Variants in HPCAL1 observed in about 807,000 individuals in gnomAD.
HPCAL1 encodes hippocalcin like 1.
A neutral mutation model predicts 17.1 loss-of-function variants in HPCAL1; 8 were observed. The ratio of observed to expected loss-of-function variants is 0.47; its 90% CI spans 0.27 to 0.84. HPCAL1 has a LOEUF of 0.84. HPCAL1 is among the 40% of genes least tolerant of loss of function. The pLI is 0.13. For missense variants in HPCAL1, 165 were observed against 271.1 expected (o/e 0.61, Z 2.75); for synonymous variants, 112 against 111.4 (o/e 1.01, Z -0.03).
At position 10,359,672 on chromosome 2, in the gene HPCAL1, C is replaced by T. The variant is rs1666402211; in HGVS notation, c.-110-37163C>T. Among the ~76,000 whole-genome samples the T allele has an allele frequency of 6.6e-6, 1 of 152,218 alleles. No individual in the cohort carries two copies. Among genetic ancestry groups the T allele is most frequent in the Non-Finnish European group, 1.5e-5 (1 of 68,030 alleles). Reference sequence around the variant, plus strand: ...CAGGCCCACTCAGTGGCTGGCGGTCCCACCTCCAAATGCAGGCAGACCACA... The same window carrying T: ...CAGGCCCACTCAGTGGCTGGCGGTCTCACCTCCAAATGCAGGCAGACCACA... On this transcript the variant is annotated intron_variant, in intron 1 of 4. Coordinates refer to ENST00000307845, the MANE Select transcript of HPCAL1 (RefSeq NM_002149.4). This position sits in a 1 kb window ranked among gnomAD's most constrained non-coding sequence, Gnocchi z 4.1.
intron 1 of HPCAL1, among the ~76,000 whole-genome samples, chr2:10,385,071 C>A (rs1445250833): frequency 6.6e-6 from 1 of 150,414 alleles, no homozygotes; most frequent in Non-Finnish European, 1.5e-5. Flanking sequence ...AGTGAGCCAG[C>A]CTGGCGATAG....
intron 1 of HPCAL1, among the ~76,000 whole-genome samples, chr2:10,388,155 G>T (rs1327665464): frequency 1.3e-5 from 2 of 152,204 alleles, no homozygotes; most frequent in Admixed American, 1.3e-4. Flanking sequence ...GTGTCTCAGG[G>T]TAGGAGGCTC....
intron 2 of HPCAL1, among the ~76,000 whole-genome samples, chr2:10,399,860 T>C (rs1419936465): frequency 6.6e-6 from 1 of 152,056 alleles, no homozygotes; most frequent in African/African-American, 2.4e-5. Flanking sequence ...TCCCTTGAGG[T>C]GGGTTCATGG....
chr2:10,372,399 A>G (rs993820658), intron 1 of HPCAL1, among the ~76,000 whole-genome samples: 1 of 150,830 alleles, frequency 6.6e-6, no homozygotes, highest in Non-Finnish European at 1.5e-5. Flanking sequence ...TGTCCAACAC[A>G]GTGGACACAT....
chr2:10,332,288 A>G (rs1004455441), intron 1 of HPCAL1, among the ~76,000 whole-genome samples: 1 of 147,662 alleles, frequency 6.8e-6, no homozygotes, highest in East Asian at 2.0e-4. Flanking sequence ...AGCATTTACC[A>G]TTTCCTTCCA....
chr2:10,419,670 G>T lies in HPCAL1; in HGVS notation c.-24-64G>T. The T allele has an allele frequency of 6.7e-7, 1 of 1,493,186 alleles. No individual in the cohort carries two copies. 92.5% of individuals were successfully genotyped at this position (1,493,186 alleles called of 1,614,324 possible). On this transcript the variant is annotated intron_variant, in intron 2 of 4. Transcript: ENST00000307845. This position sits in a 1 kb window ranked among gnomAD's most constrained non-coding sequence, Gnocchi z 5.0. ...GCGATGGGCTTATTTGGTCTCTCCG[G>T]CACATGGCTCAGCCCTGCTCCGTGG...
chr2:10,385,375 C>A (rs1294612946), intron 1 of HPCAL1, among the ~76,000 whole-genome samples: 1 of 152,152 alleles, frequency 6.6e-6, no homozygotes, highest in Admixed American at 6.5e-5. Context: ...GGGCTGAACC[C>A]CTGGAGGTTG....
Position 10,343,414 on chromosome 2 carries a change from A to G in HPCAL1, c.-111+40237A>G, listed in dbSNP as rs895953918. ...TGATAGCACCATATCTCCCTCCAGG[A>G]CTCCCGGGTGGGAGGTGGGTGTTTG... On this transcript the variant is annotated intron_variant, in intron 1 of 4. Coordinates refer to ENST00000307845, the MANE Select transcript of HPCAL1 (RefSeq NM_002149.4). This position sits in a 1 kb window ranked among gnomAD's most constrained non-coding sequence, Gnocchi z 4.8. 1.3e-5 allele frequency among the ~76,000 whole-genome samples: 2 copies of G among 152,024 alleles called. No individual in the cohort carries two copies. Among genetic ancestry groups the G allele is most frequent in the African/African-American group, 4.8e-5 (2 of 41,360 alleles).
intron 2 of HPCAL1, among the ~76,000 whole-genome samples, chr2:10,410,474 A>T: frequency 8.8e-6 from 1 of 113,784 alleles, no homozygotes. Context: ...AATTCAGCAG[A>T]TTAAGAACAA....
chr2:10,389,235 C>T (rs1004539431), intron 1 of HPCAL1, among the ~76,000 whole-genome samples: 2 of 152,216 alleles, frequency 1.3e-5, no homozygotes, highest in Middle Eastern at 3.2e-3. Flanking sequence ...ATAATCCACC[C>T]CCTAATTTGC....
At chr2:10,306,120 C>T (rs1261654758) in intron 1 of HPCAL1, among the ~76,000 whole-genome samples, 4 of 152,266 alleles carry the variant, frequency 2.6e-5, no homozygotes, top group East Asian at 1.9e-4. Context: ...ACGGGGGCCC[C>T]GGAGTTTATT....
In HPCAL1 at chr2:10,367,117, T is replaced by C. The variant is rs1666896776; in HGVS notation, c.-110-29718T>C. 6.6e-6 allele frequency among the ~76,000 whole-genome samples: 1 copy of C among 152,050 alleles called. No individual in the cohort carries two copies. The highest frequency in any genetic ancestry group is 2.1e-4 in the South Asian group (1 of 4,822). ...CGGGAGGAGCATCTGGTGGAGGACC[T>C]GGGTGTTCTGTCTGGAGATTTCCCA... On this transcript the variant is annotated intron_variant, in intron 1 of 4. Transcript: ENST00000307845. The surrounding 1 kb of genome is among the most constrained non-coding windows in gnomAD (Gnocchi z 4.4).
At chr2:10,412,410 G>C (rs1024860105) in intron 2 of HPCAL1, among the ~76,000 whole-genome samples, 3 of 152,200 alleles carry the variant, frequency 2.0e-5, no homozygotes, top group African/African-American at 7.2e-5. Context: ...AAATGCTTTA[G>C]GGTCTATGCC....
At chr2:10,382,498 G>A (rs529629966) in intron 1 of HPCAL1, among the ~76,000 whole-genome samples, 9 of 151,584 alleles carry the variant, frequency 5.9e-5, no homozygotes, top group Admixed American at 3.3e-4. Context: ...CAGCCACCCT[G>A]GTAGTAGGGA....
intron 1 of HPCAL1, among the ~76,000 whole-genome samples, chr2:10,386,552 T>G (rs1668322718): frequency 6.6e-6 from 1 of 151,274 alleles, no homozygotes; most frequent in Non-Finnish European, 1.5e-5. Flanking sequence ...GGGGGTGAGG[T>G]TGTGTGAGAT....
In HPCAL1 at chr2:10,331,725, G is replaced by C. The variant is rs1447037214; in HGVS notation, c.-111+28548G>C. On this transcript the variant is annotated intron_variant, in intron 1 of 4. Coordinates refer to ENST00000307845, the MANE Select transcript of HPCAL1 (RefSeq NM_002149.4). The surrounding 1 kb of genome is among the most constrained non-coding windows in gnomAD (Gnocchi z 5.0). ...ATGCATCTTTCTCCCCGTCTGGCAT[G>C]GTGTTTCTAGTCTTTTGTGGATGGG... Among the ~76,000 whole-genome samples the C allele has an allele frequency of 6.6e-6, 1 of 152,140 alleles. No homozygotes were observed. The highest frequency in any genetic ancestry group is 1.9e-4 in the East Asian group (1 of 5,162).
Position 10,419,930 on chromosome 2 carries a change from A to C in HPCAL1, c.173A>C (p.Tyr58Ser), listed in dbSNP as rs1670929190. 3 of 1,613,770 alleles carry C rather than the reference A, an allele frequency of 1.9e-6. No individual in the cohort carries two copies. The highest frequency in any genetic ancestry group is 2.5e-6 in the Non-Finnish European group (3 of 1,179,978). ...FKKIYANFFP[Y>S]GDASKFAEHV... ...AAGATCTACGCCAACTTCTTCCCCT[A>C]CGGCGACGCTTCCAAGTTCGCCGAG... Residue 58 changes from tyrosine to serine, a missense_variant, in exon 3 of 5, where the codon TAC becomes TCC. By Grantham distance (144) the Tyr-to-Ser change is moderately radical. Coordinates refer to ENST00000307845, the MANE Select transcript of HPCAL1 (RefSeq NM_002149.4). This position sits in a 1 kb window ranked among gnomAD's most constrained non-coding sequence, Gnocchi z 5.0.
intron 1 of HPCAL1, among the ~76,000 whole-genome samples, chr2:10,306,494 T>C (rs1662628210): frequency 6.6e-6 from 1 of 152,212 alleles, no homozygotes; most frequent in African/African-American, 2.4e-5. Flanking sequence ...GTCAGGTAGC[T>C]CTTGTGCTTT....
chr2:10,398,626 C>T (rs1012996476), intron 2 of HPCAL1, among the ~76,000 whole-genome samples: 9 of 152,122 alleles, frequency 5.9e-5, no homozygotes, highest in Admixed American at 3.3e-4. Context: ...TGGGCACCAA[C>T]GCACGCACGT....
Sources: allele counts gnomAD v4.1 joint callset (sites outside exome capture counted in the v4.1 genomes callset), GRCh38; gene constraint gnomAD v4.1.1; non-coding constraint Gnocchi (gnomAD v3.1); transcripts MANE v1.5; gene names NCBI Gene and HGNC (gene_info 2026-07-23, HGNC 2026-07-21).